The following PDZD7 variants were observed in gnomAD, a reference collection of about 807,000 sequenced individuals.
The protein encoded by PDZD7 is PDZ domain-containing protein 7.
A neutral mutation model predicts 84.7 loss-of-function variants in PDZD7; 72 were observed. That is an observed-to-expected ratio of 0.85 (90% confidence interval 0.70 to 1.03). The LOEUF (loss-of-function observed/expected upper bound fraction) is 1.03, where lower values mean the gene tolerates loss of function less well. Ranked by LOEUF, PDZD7 falls within the 50% of genes least tolerant of loss-of-function variation. The pLI is 0.00. For missense variants in PDZD7, 1,490 were observed against 1,412.9 expected, an observed-to-expected ratio of 1.05 and a Z score of -0.87; for synonymous variants, 594 against 580.7, an observed-to-expected ratio of 1.02 and a Z score of -0.33.
chr10:101,010,119 T>C (rs187311700), intron 15 of PDZD7, among the ~76,000 whole-genome samples, 153 bp downstream of exon 15: 4 of 152,294 alleles, frequency 2.6e-5, no homozygotes, highest in Admixed American at 2.0e-4. Context: ...AGTCTTGACC[T>C]CCTGACCTCA....
At chr10:101,012,492 A>C (rs1852431258) in intron 11 of PDZD7, among the ~76,000 whole-genome samples, 1 of 152,236 alleles carries the variant, frequency 6.6e-6, no homozygotes, top group Non-Finnish European at 1.5e-5. Flanking sequence ...CATCGATAAC[A>C]GCTTTGGGAC....
rs948495513 is a variant in PDZD7, at chr10:101,018,168, G to C, written c.1453C>G (p.Arg485Gly). The change falls in exon 9 of 17, where the codon CGC becomes GGC. Residue 485 changes from arginine to glycine, a missense_variant. Physicochemically the swap from Arg to Gly is moderately radical, Grantham distance 125. Transcript: ENST00000619208. Reference protein sequence around the residue: ...GRQGRLARDGRREAWTLDSGS... With the variant: ...GRQGRLARDGGREAWTLDSGS... ...CTGTCCAGTGTCCAGGCCTCTCTGCGCCCGTCCCGCGCTAGCCTCCCCTGC... is the reference window on the plus strand; with the variant it reads ...CTGTCCAGTGTCCAGGCCTCTCTGCCCCCGTCCCGCGCTAGCCTCCCCTGC... 1.9e-5 allele frequency: 31 copies of C among 1,614,192 alleles called. No homozygotes were observed. Among genetic ancestry groups the C allele is most frequent in the Non-Finnish European group, 2.3e-5 (27 of 1,180,028 alleles).
chr10:101,014,636 A>G (rs1395774489), intron 11 of PDZD7, among the ~76,000 whole-genome samples: 1 of 151,602 alleles, frequency 6.6e-6, no homozygotes, highest in African/African-American at 2.4e-5. Context: ...GGATGCATAA[A>G]TGACCATGTC....
At chr10:101,028,172 G>C (rs982536332) in intron 2 of PDZD7, among the ~76,000 whole-genome samples, 4 of 152,224 alleles carry the variant, frequency 2.6e-5, no homozygotes, top group African/African-American at 9.7e-5. Flanking sequence ...GAGAAGCCAA[G>C]TGGTCAGAGC....
chr10:101,010,449 T>C lies in PDZD7; in HGVS notation c.2440A>G (p.Lys814Glu). 6.5e-7 allele frequency: 1 copy of C among 1,535,932 alleles called. No individual in the cohort carries two copies. ...APSMTNGRYH[K>E]PRKARPPLPR... ...AGAGGGGGTCTGGCCTTCCGAGGCT[T>C]GTGGTAGCGCCCATTGGTCATGCTG... The change falls in exon 15 of 17, where the codon AAG becomes GAG. Residue 814 changes from lysine (K) to glutamate (E), a missense_variant. Coordinates refer to ENST00000619208, the MANE Select transcript of PDZD7 (RefSeq NM_001195263.2).
At chr10:101,024,961 G>A (rs1937613539) in intron 2 of PDZD7, among the ~76,000 whole-genome samples, 2 of 151,962 alleles carry the variant, frequency 1.3e-5, no homozygotes, top group Admixed American at 1.3e-4. Context: ...CAGACAAGAA[G>A]GTTCAGGATT....
intron 2 of PDZD7, among the ~76,000 whole-genome samples, chr10:101,025,415 G>T (rs1457783436): frequency 6.6e-6 from 1 of 151,518 alleles, no homozygotes; most frequent in Admixed American, 6.6e-5. Context: ...TCACCATATT[G>T]GCCAGGCTGG....
chr10:101,019,575 TCCTCCTCC>T (rs1564635247), intron 7 of PDZD7, among the ~76,000 whole-genome samples: 12 of 122,068 alleles, frequency 9.8e-5, no homozygotes, highest in African/African-American at 3.2e-4. Context: ...CTCCTCCTCC[TCCTCCTCC>T]TCCTCTTCTT....
At position 101,018,068 on chromosome 10, in the gene PDZD7, T is replaced by C. The variant is rs748378653; in HGVS notation, c.1522+31A>G. 3.1e-6 allele frequency: 5 copies of C among 1,614,018 alleles called. No individual in the cohort carries two copies. The South Asian group carries it at 5.5e-5, about 18-fold the overall frequency. On this transcript the variant is annotated intron_variant, in intron 9 of 16. Transcript: ENST00000619208. ...ATGCCGAAGCTAGTGGACTTCACTT[T>C]GCCTTCCTGTTTGATCAGCCCACTA...
At chr10:101,010,956 G>A in intron 14 of PDZD7, 73 bp from the exon 15 acceptor site, 1 of 1,525,768 alleles carries the variant, frequency 6.6e-7, no homozygotes, top group African/African-American at 1.4e-5. Context: ...TGGTTTGTGT[G>A]GGGCCTGTGA....
Position 101,008,478 on chromosome 10 carries a change from G to A in PDZD7, c.3091C>T (p.Arg1031Cys), listed in dbSNP as rs772704936. The A allele has an allele frequency of 2.1e-5, 32 of 1,517,668 alleles. No individual in the cohort carries two copies. Among genetic ancestry groups the A allele is most frequent in the Middle Eastern group, 2.3e-4 (1 of 4,402 alleles). The allele number at this position is 1,517,668 out of a possible 1,614,324, so 94.0% of individuals were successfully genotyped here. A position where few individuals can be genotyped will look rare whatever the true frequency, so the allele number is the denominator to read the frequency against. ...TPDSKPAPSP[R>C]IP ...GGTTAGGGGGAGGGTCATGGGATGC[G>A]TGGGGAGGGTGCGGGCTTAGAATCA... Residue 1031 changes from arginine to cysteine, a missense_variant, in exon 17 of 17, where the codon CGC (arginine) becomes TGC (cysteine). By Grantham distance (180) the Arg-to-Cys change is radical. Transcript: ENST00000619208.
chr10:101,008,754 C>A lies in PDZD7; in HGVS notation c.2815G>T (p.Ala939Ser). Residue 939 changes from alanine (A) to serine (S), a missense_variant, in exon 17 of 17, where the codon GCC becomes TCC. Transcript: ENST00000619208. Reference protein sequence around the residue: ...DTIRRAYRNKAREPMELVVRV... With the variant: ...DTIRRAYRNKSREPMELVVRV... ...ACCACAAGCTCCATGGGCTCCCGGG[C>A]CTTGTTTCGATAAGCCCGACGGATG... 3.9e-6 allele frequency: 6 copies of A among 1,535,832 alleles called. No individual in the cohort carries two copies. Among genetic ancestry groups the A allele is most frequent in the South Asian group, 2.4e-5 (2 of 84,050 alleles).
In PDZD7 at chr10:101,016,393, G is replaced by C; in HGVS notation, c.1557C>G (p.Thr519=). The C allele has an allele frequency of 6.4e-7, 1 of 1,550,710 alleles. No individual in the cohort carries two copies. Among genetic ancestry groups the C allele is most frequent in the Non-Finnish European group, 8.7e-7 (1 of 1,147,018 alleles). Residue 519 remains threonine, a synonymous_variant, in exon 10 of 17, where the codon ACC becomes ACG. Transcript: ENST00000619208. The part of the protein sequence containing the change: ...GGVGPVQKFV[T]WRLRRDQERG... ...ATGAATTACCACGTCTCAGTCTCCAGGTGACAAACTTCTGTACCGGGCCCA... is the reference window on the plus strand; with the variant it reads ...ATGAATTACCACGTCTCAGTCTCCACGTGACAAACTTCTGTACCGGGCCCA...
intron 6 of PDZD7, 143 bp downstream of exon 6, chr10:101,021,655 C>A: frequency 7.6e-7 from 1 of 1,321,794 alleles, no homozygotes; most frequent in Non-Finnish European, 1.1e-6. Context: ...TCTTCTTCTT[C>A]AAAACAGGGA....
chr10:101,029,820 G>A (rs1177928936), intron 2 of PDZD7, among the ~76,000 whole-genome samples, 174 bp downstream of exon 2: 1 of 152,162 alleles, frequency 6.6e-6, no homozygotes, highest in Admixed American at 6.5e-5. Context: ...TGGAGGAGAG[G>A]CCAAGGGCAG....
At position 101,024,015 on chromosome 10, in the gene PDZD7, C is replaced by T; in HGVS notation, c.280G>A (p.Ala94Thr). 1.2e-6 allele frequency: 2 copies of T among 1,614,262 alleles called. No homozygotes were observed. Among genetic ancestry groups the T allele is most frequent in the South Asian group, 2.2e-5 (2 of 91,090 alleles). Residue 94 changes from alanine (A) to threonine (T), a missense_variant, in exon 3 of 17, where the codon GCA becomes ACA. Ala to Thr is a moderately conservative substitution (Grantham distance 58). Transcript: ENST00000619208. ...IHSVRVEKSP[A>T]GRLGFSVRGG... is the part of the protein sequence containing the mutation. ...CGCACGCTGAAGCCCAGCCTCCCTGCTGGACTCTTCTCCACCCGGACTGAA... is the reference window on the plus strand; with the variant it reads ...CGCACGCTGAAGCCCAGCCTCCCTGTTGGACTCTTCTCCACCCGGACTGAA...
intron 2 of PDZD7, 43 bp downstream of exon 2, chr10:101,029,951 C>A: frequency 1.4e-6 from 2 of 1,462,256 alleles, no homozygotes; most frequent in Admixed American, 1.7e-5. Flanking sequence ...TCCCCTACCC[C>A]CACCCTCCCC....
chr10:101,020,908 T>C (rs1374938364), intron 6 of PDZD7, among the ~76,000 whole-genome samples: 7 of 152,204 alleles, frequency 4.6e-5, no homozygotes, highest in African/African-American at 1.7e-4. Flanking sequence ...ACAGGGGCCT[T>C]CCTGAATTAC....
intron 9 of PDZD7, chr10:101,017,715 G>A (rs763724764): frequency 7.6e-6 from 5 of 656,498 alleles, no homozygotes; most frequent in Non-Finnish European, 1.4e-5. Flanking sequence ...GAGCGTGGGA[G>A]GCGCAGGTCG....
Sources: gnomAD v4.1 joint callset for allele counts (sites outside exome capture counted in the v4.1 genomes callset) on GRCh38, gnomAD v4.1.1 for gene constraint, MANE v1.5 for transcripts, NCBI Gene and HGNC (gene_info 2026-07-23, HGNC 2026-07-21) for gene names.